LY96: variants seen among roughly 807,000 people sequenced by gnomAD.
LY96 encodes the protein myeloid differentiation protein-2.
In LY96, 18 loss-of-function variants were observed where a neutral mutation model predicts 18.9. The observed-to-expected ratio is 0.95, with a 90% CI of 0.66 to 1.41. LY96 has a LOEUF of 1.41. Among genes scored for constraint, LY96 ranks in the 40% most tolerant of loss-of-function variants. LY96 has a pLI of 0.00. For missense variants in LY96, 175 were observed against 182.4 expected (o/e 0.96, Z 0.23); for synonymous variants, 66 against 62.6 (o/e 1.06, Z -0.26).
the LY96 span, chr8:74,052,341 C>G: frequency 6.6e-6 from 1 of 152,228 alleles, no homozygotes; most frequent in Admixed American, 6.5e-5. Context: ...CACACAGATA[C>G]TTGGAAGAAG....
chr8:74,058,473 C>A, the LY96 span, among the ~76,000 whole-genome samples: 2 of 150,578 alleles, frequency 1.3e-5, no homozygotes, highest in Non-Finnish European at 3.0e-5. Flanking sequence ...GAAACAGAAG[C>A]AAAAGGATAC....
intron 1 of LY96, among the ~76,000 whole-genome samples, chr8:74,002,662 C>G (rs1480765550): frequency 2.6e-5 from 4 of 151,456 alleles, no homozygotes; most frequent in Non-Finnish European, 4.4e-5. Flanking sequence ...ACCTCCGCCT[C>G]CTGGATTCAA....
In LY96 at chr8:74,020,518, C is replaced by T. The variant is rs189305552; in HGVS notation, c.332-6271C>T. ...CCCAAGGTAATTTATAGATTCAATG[C>T]CATCCCCATCAAGCTACCAATGACT... On this transcript the variant is annotated intron_variant, in intron 3 of 4. Coordinates refer to ENST00000284818, the MANE Select transcript of LY96 (RefSeq NM_015364.5). Among the ~76,000 whole-genome samples the T allele has an allele frequency of 1.1e-4, 17 of 152,218 alleles. No homozygotes were observed. In the East Asian group the frequency reaches 2.9e-3, roughly 26 times the overall value.
chr8:74,091,509 T>C, the LY96 span, among the ~76,000 whole-genome samples: 3 of 152,282 alleles, frequency 2.0e-5, no homozygotes, highest in Non-Finnish European at 4.4e-5. Flanking sequence ...AGTCCCTGGG[T>C]GGACTTGAGA....
chr8:74,045,280 A>T, the LY96 span, among the ~76,000 whole-genome samples: 1 of 152,228 alleles, frequency 6.6e-6, no homozygotes, highest in Admixed American at 6.5e-5. Flanking sequence ...ATGCCTTAAC[A>T]TGACATAAAT....
chr8:73,992,461 C>T (rs561404073), intron 1 of LY96, among the ~76,000 whole-genome samples: 78 of 152,312 alleles, frequency 5.1e-4, no homozygotes, highest in African/African-American at 1.9e-3. Context: ...ACTTTGGGTT[C>T]TGAGAAGTTC....
At chr8:74,084,938 T>C in the LY96 span, among the ~76,000 whole-genome samples, 1 of 152,194 alleles carries the variant, frequency 6.6e-6, no homozygotes, top group Non-Finnish European at 1.5e-5. Context: ...AAATTCAACT[T>C]TGTAGAGCTT....
At chr8:74,007,077 C>A (rs111433769) in intron 2 of LY96, among the ~76,000 whole-genome samples, 1 of 152,200 alleles carries the variant, frequency 6.6e-6, no homozygotes, top group Non-Finnish European at 1.5e-5. Context: ...CAGAATGCAT[C>A]CCTGAGACAC....
At position 73,996,372 on chromosome 8, in the gene LY96, C is replaced by CATTTCTTTCTTTCTTT. The variant is rs756373007; in HGVS notation, c.112+4818_112+4819insATTTCTTTCTTTCTTT. Among the ~76,000 whole-genome samples, 508 of 111,006 alleles carry CATTTCTTTCTTTCTTT rather than the reference C, an allele frequency of 4.6e-3. 10 individuals carry two copies. Among genetic ancestry groups the CATTTCTTTCTTTCTTT allele is most frequent in the East Asian group, 0.01 (33 of 3,154 alleles). 72.8% of individuals were successfully genotyped at this position (111,006 alleles called of 152,430 possible). Reference sequence around the variant, plus strand: ...TCCTTCCTTCCTTCCTTCCTTCATTCCTTTCTTTCTTTCTTTCTTTCTTTC... The same window carrying CATTTCTTTCTTTCTTT: ...TCCTTCCTTCCTTCCTTCCTTCATTCATTTCTTTCTTTCTTTCTTTCTTTCTTTCTTTCTTTCTTTC... On this transcript the variant is annotated intron_variant, in intron 1 of 4. Transcript: ENST00000284818.
the LY96 span, among the ~76,000 whole-genome samples, chr8:74,058,523 CTT>C: frequency 3.0e-4 from 42 of 139,506 alleles, no homozygotes; most frequent in Admixed American, 5.0e-4. Flanking sequence ...GAAAGTTTTT[CTT>C]TTTTTTTTTT....
chr8:74,064,953 A>C, the LY96 span, among the ~76,000 whole-genome samples: 1 of 152,222 alleles, frequency 6.6e-6, no homozygotes, highest in Non-Finnish European at 1.5e-5. Context: ...GGTTTGGTGA[A>C]GAAAATGTTA....
chr8:74,090,764 A>T, the LY96 span, among the ~76,000 whole-genome samples: 1 of 152,222 alleles, frequency 6.6e-6, no homozygotes, highest in Non-Finnish European at 1.5e-5. Flanking sequence ...GGTCTACTGA[A>T]AATAAGATTA....
the LY96 span, among the ~76,000 whole-genome samples, chr8:74,055,690 G>A: frequency 6.6e-6 from 1 of 152,204 alleles, no homozygotes; most frequent in Non-Finnish European, 1.5e-5. Context: ...GATCATCCAG[G>A]TGGCACAATC....
At chr8:74,067,915 G>A in the LY96 span, among the ~76,000 whole-genome samples, 1 of 151,596 alleles carries the variant, frequency 6.6e-6, no homozygotes, top group South Asian at 2.1e-4. Context: ...ACAAAAATTA[G>A]CCAGGCATGG....
chr8:74,024,837 G>C (rs995704905), intron 3 of LY96, among the ~76,000 whole-genome samples: 2 of 152,030 alleles, frequency 1.3e-5, no homozygotes, highest in African/African-American at 2.4e-5. Flanking sequence ...TTAATTTAAT[G>C]TATTTATTTT....
chr8:74,055,251 A>T, the LY96 span, among the ~76,000 whole-genome samples: 4 of 152,160 alleles, frequency 2.6e-5, no homozygotes, highest in African/African-American at 9.7e-5. Context: ...GGCTGGCTGA[A>T]TTTTTATGTC....
At chr8:74,045,399 T>C in the LY96 span, among the ~76,000 whole-genome samples, 3 of 152,130 alleles carry the variant, frequency 2.0e-5, no homozygotes, top group South Asian at 2.1e-4. Context: ...AGCAGACAGA[T>C]TTAGGAATCA....
the LY96 span, among the ~76,000 whole-genome samples, chr8:74,049,478 A>T: frequency 6.6e-6 from 1 of 152,218 alleles, no homozygotes; most frequent in Admixed American, 6.5e-5. Flanking sequence ...ACATAATAGC[A>T]TGTCAATTTT....
At chr8:74,084,570 C>T in the LY96 span, among the ~76,000 whole-genome samples, 2 of 152,096 alleles carry the variant, frequency 1.3e-5, no homozygotes, top group African/African-American at 2.4e-5. Flanking sequence ...TTCCTCTGGC[C>T]GCATCTGTAA....
Sources: gnomAD v4.1 joint callset for allele counts (sites outside exome capture counted in the v4.1 genomes callset) on GRCh38, gnomAD v4.1.1 for gene constraint, MANE v1.5 for transcripts, NCBI Gene and HGNC (gene_info 2026-07-23, HGNC 2026-07-21) for gene names.